The following SHISA9 variants were observed in gnomAD, a reference collection of about 807,000 sequenced individuals.
SHISA9 encodes protein shisa-9.
In SHISA9, 13 loss-of-function variants were observed where a neutral mutation model predicts 38.0. The observed-to-expected ratio is 0.34, with a 90% CI of 0.22 to 0.54. The LOEUF (loss-of-function observed/expected upper bound fraction) is 0.54. Among genes scored for constraint, SHISA9 ranks in the 20% least tolerant of loss-of-function variants. The pLI is 0.91. For missense variants in SHISA9, 538 were observed against 575.8 expected (o/e 0.93, Z 0.67); for synonymous variants, 275 against 242.0 (o/e 1.14, Z -1.27).
chr16:13,048,327 A>G (rs1055792978), intron 2 of SHISA9, among the ~76,000 whole-genome samples: 1 of 152,234 alleles, frequency 6.6e-6, no homozygotes, highest in African/African-American at 2.4e-5. Context: ...CATGATATGG[A>G]GCCAGGCATC....
chr16:13,180,434 C>G (rs575305337), intron 2 of SHISA9, among the ~76,000 whole-genome samples: 59 of 152,294 alleles, frequency 3.9e-4, no homozygotes, highest in African/African-American at 1.4e-3. Context: ...CACCGTGGCT[C>G]ACACCGCAAT....
At chr16:12,914,701 C>A (rs968654074) in intron 1 of SHISA9, among the ~76,000 whole-genome samples, 1 of 152,196 alleles carries the variant, frequency 6.6e-6, no homozygotes, top group Non-Finnish European at 1.5e-5. Flanking sequence ...CTAGTTCTTA[C>A]CCTATCATTC....
chr16:13,552,419 G>A, the SHISA9 span, among the ~76,000 whole-genome samples: 4 of 152,014 alleles, frequency 2.6e-5, no homozygotes, highest in African/African-American at 9.7e-5. Flanking sequence ...AAGGGCAGGT[G>A]TCACGATGCC....
the SHISA9 span, among the ~76,000 whole-genome samples, chr16:13,466,971 A>G: frequency 6.6e-6 from 1 of 152,314 alleles, no homozygotes; most frequent in Non-Finnish European, 1.5e-5. Context: ...TACTCAGGAT[A>G]GTTGTATCAT....
the SHISA9 span, among the ~76,000 whole-genome samples, chr16:13,294,834 G>A: frequency 1.1e-4 from 16 of 152,198 alleles, no homozygotes; most frequent in African/African-American, 3.6e-4. Flanking sequence ...AAAAGATTGT[G>A]TCCTATCTAG....
chr16:12,935,675 C>G (rs746329344), intron 2 of SHISA9, among the ~76,000 whole-genome samples: 12 of 151,870 alleles, frequency 7.9e-5, no homozygotes, highest in Non-Finnish European at 1.3e-4. Context: ...CAGTGAAACC[C>G]CATCTGTACA....
chr16:12,938,100 A>G (rs2071557628), intron 2 of SHISA9, among the ~76,000 whole-genome samples: 1 of 152,238 alleles, frequency 6.6e-6, no homozygotes, highest in South Asian at 2.1e-4. Flanking sequence ...TGTGATTCTT[A>G]TGAGGCCATG....
At chr16:13,290,924 C>G in the SHISA9 span, among the ~76,000 whole-genome samples, 3 of 152,122 alleles carry the variant, frequency 2.0e-5, no homozygotes, top group African/African-American at 7.2e-5. Context: ...TCATTTAGCA[C>G]TTATTGTGGT....
intron 2 of SHISA9, among the ~76,000 whole-genome samples, chr16:12,983,913 C>T (rs1253763312): frequency 6.6e-6 from 1 of 152,196 alleles, no homozygotes; most frequent in African/African-American, 2.4e-5. Flanking sequence ...TCACCAAATG[C>T]TATGTGATTA....
At chr16:13,503,665 C>A in the SHISA9 span, among the ~76,000 whole-genome samples, 1 of 143,998 alleles carries the variant, frequency 6.9e-6, no homozygotes, top group African/African-American at 2.6e-5. Flanking sequence ...ACAGGGCCAG[C>A]GTTCTTGATG....
the SHISA9 span, among the ~76,000 whole-genome samples, chr16:13,529,215 C>G: frequency 1.3e-5 from 2 of 152,190 alleles, no homozygotes; most frequent in Non-Finnish European, 2.9e-5. Flanking sequence ...AAATTATAAA[C>G]AGGACCTAAA....
At chr16:13,462,979 A>G in the SHISA9 span, among the ~76,000 whole-genome samples, 2 of 151,552 alleles carry the variant, frequency 1.3e-5, no homozygotes, top group East Asian at 3.9e-4. Flanking sequence ...AAATAAATAA[A>G]TAAATAAAAA....
the SHISA9 span, among the ~76,000 whole-genome samples, chr16:13,400,129 A>G: frequency 2.6e-5 from 4 of 152,144 alleles, no homozygotes; most frequent in Non-Finnish European, 5.9e-5. Flanking sequence ...GGTTAGAAAT[A>G]CTGGAGATTA....
At position 12,916,229 on chromosome 16, in the gene SHISA9, T is replaced by G. The variant is rs540425367; in HGVS notation, c.564-459T>G. 3.9e-5 allele frequency among the ~76,000 whole-genome samples: 6 copies of G among 152,318 alleles called. No individual in the cohort carries two copies. The South Asian group carries it at 1.2e-3, about 32-fold the overall frequency. ...GTAATAATCCTCATAATGTGTTTTGTGCTGTTTTGTTTAGTTAAGACGTAA... is the reference window on the plus strand; with the variant it reads ...GTAATAATCCTCATAATGTGTTTTGGGCTGTTTTGTTTAGTTAAGACGTAA... On this transcript the variant is annotated intron_variant, in intron 1 of 4. Transcript: ENST00000558583.
chr16:13,136,655 C>T (rs1234758437), intron 2 of SHISA9, among the ~76,000 whole-genome samples: 1 of 152,068 alleles, frequency 6.6e-6, no homozygotes, highest in Non-Finnish European at 1.5e-5. Flanking sequence ...CTGCCTTGGC[C>T]TCCCAAAGTT....
chr16:13,308,123 T>C, the SHISA9 span, among the ~76,000 whole-genome samples: 1 of 152,176 alleles, frequency 6.6e-6, no homozygotes, highest in African/African-American at 2.4e-5. Flanking sequence ...AAATAATTAT[T>C]TGGAGGCACC....
In SHISA9 at chr16:13,239,621, T is replaced by G. The variant is rs972931379; in HGVS notation, c.*4212T>G. 1.3e-5 allele frequency: 2 copies of G among 152,266 alleles called. No individual in the cohort carries two copies. Among genetic ancestry groups the G allele is most frequent in the Non-Finnish European group, 2.9e-5 (2 of 68,052 alleles). 9.4% of individuals were successfully genotyped at this position (152,266 alleles called of 1,614,324 possible). A position where few individuals can be genotyped will look rare whatever the true frequency, so the allele number is the denominator to read the frequency against. On this transcript the variant is annotated 3_prime_UTR_variant, in exon 5 of 5. Coordinates refer to ENST00000558583, the MANE Select transcript of SHISA9 (RefSeq NM_001145204.3). Reference sequence around the variant, plus strand: ...AGCATTTTTTCATGTGTCTTTTGACTGCATAAATGTCTTTTGAGAAGTGTC... The same window carrying G: ...AGCATTTTTTCATGTGTCTTTTGACGGCATAAATGTCTTTTGAGAAGTGTC...
chr16:13,017,595 GT>G (rs1355339717), intron 2 of SHISA9, among the ~76,000 whole-genome samples: 1 of 123,386 alleles, frequency 8.1e-6, no homozygotes, highest in Non-Finnish European at 1.9e-5. Flanking sequence ...GGTATTGAGT[GT>G]CAATCATATG....
At chr16:12,979,301 AG>A (rs2072209376) in intron 2 of SHISA9, among the ~76,000 whole-genome samples, 1 of 151,014 alleles carries the variant, frequency 6.6e-6, no homozygotes, top group African/African-American at 2.5e-5. Context: ...CTGGTGCTGA[AG>A]TTTTTTTTTT....
Sources: allele counts gnomAD v4.1 joint callset (sites outside exome capture counted in the v4.1 genomes callset), GRCh38; gene constraint gnomAD v4.1.1; transcripts MANE v1.5; gene names NCBI Gene and HGNC (gene_info 2026-07-23, HGNC 2026-07-21).